Variants in RBFOX1 observed in about 807,000 individuals in gnomAD.
RBFOX1 encodes RNA binding protein fox-1 homolog 1.
RBFOX1 carries 8 observed loss-of-function variants against 57.7 expected under a neutral mutation model. The ratio of observed to expected loss-of-function variants is 0.14; its 90% CI spans 0.08 to 0.25. RBFOX1 has a LOEUF of 0.25. Ranked by LOEUF, RBFOX1 falls within the 10% of genes least tolerant of loss-of-function variation. The probability of loss-of-function intolerance (pLI) is 1.00; values close to 1 mark genes in which losing one functional copy is unlikely to be tolerated. For missense variants in RBFOX1, 611 were observed against 548.5 expected (o/e 1.11, Z -1.14); for synonymous variants, 326 against 222.4 (o/e 1.47, Z -4.15).
rs140146654 is a variant in RBFOX1 at position 5,437,759 on chromosome 16, G to A, written c.220-29457G>A. On this transcript the variant is annotated intron_variant, in intron 1 of 2. Coordinates refer to the RBFOX1 transcript ENST00000585867. ...GGCTGTGCCTGGATAATGAGGCTCT[G>A]AGCAATTATTCCGTTATTTCTTATA... Among the ~76,000 whole-genome samples, 924 of 152,240 alleles carry A rather than the reference G, an allele frequency of 6.1e-3. 12 individuals are homozygous for A. Among genetic ancestry groups the A allele is most frequent in the African/African-American group, 0.021 (855 of 41,544 alleles).
intron 3 of RBFOX1, among the ~76,000 whole-genome samples, chr16:6,698,504 C>A (rs2061372378): frequency 6.6e-6 from 1 of 152,162 alleles, no homozygotes; most frequent in Admixed American, 6.5e-5. Context: ...CTGTCTTTCC[C>A]CATGAGCGCT....
chr16:6,862,024 G>A (rs898942589), intron 3 of RBFOX1, among the ~76,000 whole-genome samples: 7 of 152,002 alleles, frequency 4.6e-5, no homozygotes, highest in Middle Eastern at 3.4e-3. Context: ...AGACAAACTC[G>A]ATAAGCTCCA....
intron 1 of RBFOX1, among the ~76,000 whole-genome samples, chr16:6,096,774 C>A (rs1231127253): frequency 6.6e-6 from 1 of 152,046 alleles, no homozygotes; most frequent in Non-Finnish European, 1.5e-5. Flanking sequence ...TAGATAATAC[C>A]CTTGATTATC....
intron 2 of RBFOX1, among the ~76,000 whole-genome samples, chr16:6,418,703 A>C (rs957103275): frequency 4.0e-5 from 6 of 151,530 alleles, no homozygotes; most frequent in Admixed American, 2.0e-4. Context: ...AAGAAGTAAA[A>C]TTTTTATAGA....
chr16:5,646,217 G>T, intron 3 of RBFOX1, among the ~76,000 whole-genome samples: 1 of 145,352 alleles, frequency 6.9e-6, no homozygotes, highest in Non-Finnish European at 1.5e-5. Context: ...AGTGGAGACA[G>T]GGTTTCACCG....
intron 1 of RBFOX1, among the ~76,000 whole-genome samples, chr16:5,406,224 G>A (rs567904180): frequency 4.6e-5 from 7 of 152,150 alleles, no homozygotes; most frequent in African/African-American, 1.4e-4. Flanking sequence ...GGGTGATGGC[G>A]GGGGGGATTT....
chr16:6,124,050 C>T (rs1015312746), intron 1 of RBFOX1, among the ~76,000 whole-genome samples: 7 of 152,212 alleles, frequency 4.6e-5, no homozygotes, highest in Admixed American at 4.6e-4. Context: ...TTTCTAGCTG[C>T]CCTCGAGTGT....
intron 4 of RBFOX1, among the ~76,000 whole-genome samples, chr16:7,186,213 A>C (rs2083714754): frequency 3.4e-5 from 5 of 146,862 alleles, no homozygotes. Flanking sequence ...TGTGTATATA[A>C]ATATTTATAT....
chr16:7,247,492 C>G (rs1014011053), intron 4 of RBFOX1, among the ~76,000 whole-genome samples: 14 of 152,132 alleles, frequency 9.2e-5, no homozygotes, highest in Admixed American at 2.6e-4. Flanking sequence ...TAAATGTTAG[C>G]TAAAGTTGAG....
At chr16:6,682,263 G>C (rs1476721954) in intron 3 of RBFOX1, among the ~76,000 whole-genome samples, 1 of 152,184 alleles carries the variant, frequency 6.6e-6, no homozygotes, top group Non-Finnish European at 1.5e-5. Context: ...CAGATAGGAA[G>C]CACACAGCCC....
At chr16:6,639,243 C>G (rs1460010936) in intron 2 of RBFOX1, among the ~76,000 whole-genome samples, 1 of 152,188 alleles carries the variant, frequency 6.6e-6, no homozygotes, top group African/African-American at 2.4e-5. Flanking sequence ...CATTGGATGT[C>G]TTTCTGGAAT....
rs141221185 is a variant in RBFOX1 at position 6,871,034 on chromosome 16, A to G, written c.-15-181023A>G. Among the ~76,000 whole-genome samples the G allele has an allele frequency of 2.5e-3, 384 of 152,386 alleles. 8 individuals carry two copies. In the South Asian group the frequency reaches 0.028, roughly 11 times the overall value. The stretch of plus-strand genomic sequence containing the variant: ...CTCATTAAATATTGGAAAGCAAATG[A>G]AGTCATAAATGCGTATAAAGTAGGC... On this transcript the variant is annotated intron_variant, in intron 3 of 15. Coordinates refer to ENST00000550418, the MANE Select transcript of RBFOX1 (RefSeq NM_018723.4).
intron 4 of RBFOX1, chr16:7,333,019 A>C: frequency 6.2e-7 from 1 of 1,613,744 alleles, no homozygotes; most frequent in African/African-American, 1.3e-5. Flanking sequence ...CGTCTCAAGG[A>C]GTTCTCCTGC....
chr16:7,148,932 C>T (rs139551280), intron 4 of RBFOX1, among the ~76,000 whole-genome samples: 1 of 152,148 alleles, frequency 6.6e-6, no homozygotes, highest in Non-Finnish European at 1.5e-5. Flanking sequence ...TCAGTTTAGT[C>T]TGATGCATTT....
chr16:7,698,763 G>A (rs2079635882), intron 14 of RBFOX1, among the ~76,000 whole-genome samples: 1 of 152,102 alleles, frequency 6.6e-6, no homozygotes, highest in Non-Finnish European at 1.5e-5. Context: ...AGTACAGGGA[G>A]CTAAGGGGCC....
At chr16:6,718,158 C>G (rs577421231) in intron 3 of RBFOX1, among the ~76,000 whole-genome samples, 4 of 152,270 alleles carry the variant, frequency 2.6e-5, no homozygotes, top group Non-Finnish European at 5.9e-5. Context: ...AAAGATGTCC[C>G]CATCTTTTGC....
chr16:6,022,565 C>A (rs921274126), intron 1 of RBFOX1, among the ~76,000 whole-genome samples: 1 of 151,946 alleles, frequency 6.6e-6, no homozygotes, highest in Non-Finnish European at 1.5e-5. Flanking sequence ...ACATGTAATC[C>A]CAGCTACCCT....
intron 4 of RBFOX1, among the ~76,000 whole-genome samples, chr16:7,055,553 T>G (rs922789419): frequency 6.6e-6 from 1 of 152,150 alleles, no homozygotes; most frequent in African/African-American, 2.4e-5. Flanking sequence ...GAGGAGTTTC[T>G]CCTTCACACG....
At chr16:5,365,127 C>A (rs370682904) in intron 1 of RBFOX1, among the ~76,000 whole-genome samples, 15 of 152,222 alleles carry the variant, frequency 9.9e-5, no homozygotes, top group African/African-American at 3.6e-4. Context: ...GGCACCCAGG[C>A]CTGCTGGTGG....
Sources: allele counts gnomAD v4.1 joint callset (sites outside exome capture counted in the v4.1 genomes callset), GRCh38; gene constraint gnomAD v4.1.1; transcripts MANE v1.5; gene names NCBI Gene and HGNC (gene_info 2026-07-23, HGNC 2026-07-21).